ZNF804A: variants seen among roughly 807,000 people sequenced by gnomAD.
ZNF804A encodes the protein zinc finger protein 804A.
A neutral mutation model predicts 16.5 loss-of-function variants in ZNF804A; 2 were observed. That is an observed-to-expected ratio of 0.12 (90% confidence interval 0.05 to 0.38). ZNF804A has a LOEUF of 0.38. Among genes scored for constraint, ZNF804A ranks in the 10% least tolerant of loss-of-function variants. The pLI is 0.99. For synonymous variants in ZNF804A, 534 were observed against 489.6 expected, an observed-to-expected ratio of 1.09 and a Z score of -1.20; for missense variants, 1,473 against 1,390.7, an observed-to-expected ratio of 1.06 and a Z score of -0.94.
chr2:184,810,264 C>T (rs185462789), intron 1 of ZNF804A, among the ~76,000 whole-genome samples: 3 of 152,056 alleles, frequency 2.0e-5, no homozygotes, highest in Non-Finnish European at 4.4e-5. Context: ...AATTTGCCAA[C>T]GCCTGCTATA....
intron 1 of ZNF804A, among the ~76,000 whole-genome samples, chr2:184,821,035 T>G (rs539509585): frequency 6.6e-6 from 1 of 151,922 alleles, no homozygotes; most frequent in African/African-American, 2.4e-5. Flanking sequence ...TAAATTATCA[T>G]TGACAGTCTT....
chr2:184,830,165 A>G (rs2105795220), intron 1 of ZNF804A, among the ~76,000 whole-genome samples: 1 of 151,934 alleles, frequency 6.6e-6, no homozygotes, highest in East Asian at 1.9e-4. Context: ...CTATTTGACA[A>G]CAATTTTATA....
At chr2:184,684,661 G>T (rs562801724) in intron 1 of ZNF804A, among the ~76,000 whole-genome samples, 2 of 152,214 alleles carry the variant, frequency 1.3e-5, no homozygotes, top group Admixed American at 1.3e-4. Context: ...TTGGGATATG[G>T]ATCCCATCAC....
intron 1 of ZNF804A, among the ~76,000 whole-genome samples, chr2:184,795,629 A>C (rs1694619339): frequency 6.6e-6 from 1 of 152,218 alleles, no homozygotes; most frequent in African/African-American, 2.4e-5. Context: ...AAATGAAACA[A>C]AAAGCTGGTT....
At chr2:184,673,262 C>G (rs137936249) in intron 1 of ZNF804A, among the ~76,000 whole-genome samples, 1 of 152,232 alleles carries the variant, frequency 6.6e-6, no homozygotes, top group African/African-American at 2.4e-5. Context: ...GTTTGATATT[C>G]AAATGTGTTT....
intron 1 of ZNF804A, among the ~76,000 whole-genome samples, chr2:184,763,856 A>G (rs1255979012): frequency 6.6e-6 from 1 of 151,408 alleles, no homozygotes; most frequent in Non-Finnish European, 1.5e-5. Flanking sequence ...GTTAGCCAAG[A>G]TAGCCTCGAT....
intron 1 of ZNF804A, among the ~76,000 whole-genome samples, chr2:184,799,328 G>C (rs1694686919): frequency 6.6e-6 from 1 of 151,908 alleles, no homozygotes; most frequent in Non-Finnish European, 1.5e-5. Context: ...TGTCAAACTA[G>C]CCTTGCATAC....
chr2:184,640,803 A>G lies in ZNF804A; in HGVS notation c.111+41733A>G, dbSNP rs535069493. On this transcript the variant is annotated intron_variant, in intron 1 of 3. Coordinates refer to ENST00000302277, the MANE Select transcript of ZNF804A (RefSeq NM_194250.2). ...TATGATAATGGCTTTAAGCAAACGAAATACATGGGGCATCTCCCGTCTTGA... is the reference window on the plus strand; with the variant it reads ...TATGATAATGGCTTTAAGCAAACGAGATACATGGGGCATCTCCCGTCTTGA... Among the ~76,000 whole-genome samples, 50 of 152,328 alleles carry G rather than the reference A, an allele frequency of 3.3e-4. No homozygotes were observed. In the South Asian group the frequency reaches 4.1e-3, roughly 13 times the overall value.
intron 2 of ZNF804A, among the ~76,000 whole-genome samples, chr2:184,916,773 A>T (rs566583497): frequency 9.9e-4 from 150 of 152,126 alleles, no homozygotes; most frequent in African/African-American, 3.5e-3. Flanking sequence ...GCTTGAACCC[A>T]GGAGGCAGAG....
At chr2:184,852,248 TC>T (rs1695617135) in intron 1 of ZNF804A, among the ~76,000 whole-genome samples, 1 of 151,258 alleles carries the variant, frequency 6.6e-6, no homozygotes, top group South Asian at 2.1e-4. Context: ...TCTCTCTCTC[TC>T]TCTCTCTCTC....
At chr2:184,829,471 T>A (rs900885425) in intron 1 of ZNF804A, among the ~76,000 whole-genome samples, 5 of 152,012 alleles carry the variant, frequency 3.3e-5, no homozygotes, top group Non-Finnish European at 5.9e-5. Context: ...ATTCTGTATA[T>A]GTTAGAGGGC....
intron 1 of ZNF804A, among the ~76,000 whole-genome samples, chr2:184,720,051 C>A (rs1693282081): frequency 6.6e-6 from 1 of 152,120 alleles, no homozygotes; most frequent in African/African-American, 2.4e-5. Flanking sequence ...CTGGGGAGGC[C>A]TCATAATCAT....
At chr2:184,879,713 A>C (rs764549070) in intron 2 of ZNF804A, among the ~76,000 whole-genome samples, 4 of 152,072 alleles carry the variant, frequency 2.6e-5, no homozygotes, top group African/African-American at 7.2e-5. Flanking sequence ...ACACATCTAC[A>C]TATATAGCCC....
chr2:184,702,472 C>T (rs1391574898), intron 1 of ZNF804A, among the ~76,000 whole-genome samples: 1 of 151,976 alleles, frequency 6.6e-6, no homozygotes, highest in Admixed American at 6.6e-5. Context: ...TTTTCCAGTT[C>T]TGCCACTTTA....
intron 1 of ZNF804A, among the ~76,000 whole-genome samples, chr2:184,721,116 A>G (rs1693305940): frequency 6.6e-6 from 1 of 152,158 alleles, no homozygotes; most frequent in Non-Finnish European, 1.5e-5. Flanking sequence ...AAAGACTTAA[A>G]CATAAGACTC....
At chr2:184,769,645 C>T (rs1694182588) in intron 1 of ZNF804A, among the ~76,000 whole-genome samples, 2 of 151,982 alleles carry the variant, frequency 1.3e-5, no homozygotes, top group East Asian at 1.9e-4. Context: ...ACATTAGCAT[C>T]CCAATCCAAT....
In ZNF804A at chr2:184,752,507, GA is replaced by G. The variant is rs1693891599; in HGVS notation, c.112-113857del. On this transcript the variant is annotated intron_variant, in intron 1 of 3. Coordinates refer to ENST00000302277, the MANE Select transcript of ZNF804A (RefSeq NM_194250.2). ...GGGGGATAGGAGGAGGGTGAGGGTT[GA>G]AAAATTGTTTATCAGGTACAATGTT... Among the ~76,000 whole-genome samples the G allele has an allele frequency of 5.3e-5, 8 of 151,348 alleles. No homozygotes were observed. In the South Asian group the frequency reaches 1.7e-3, roughly 31 times the overall value.
intron 1 of ZNF804A, among the ~76,000 whole-genome samples, chr2:184,664,496 T>C (rs1489404623): frequency 6.6e-6 from 1 of 152,192 alleles, no homozygotes; most frequent in African/African-American, 2.4e-5. Flanking sequence ...TCCTAAACTA[T>C]TTGTAAGTTT....
intron 1 of ZNF804A, among the ~76,000 whole-genome samples, chr2:184,679,352 G>T (rs1357002113): frequency 2.6e-5 from 4 of 152,238 alleles, no homozygotes; most frequent in Admixed American, 2.0e-4. Context: ...CCATTGCAAA[G>T]ATGCCAGCTG....
Sources: gnomAD v4.1 joint callset for allele counts (sites outside exome capture counted in the v4.1 genomes callset) on GRCh38, gnomAD v4.1.1 for gene constraint, MANE v1.5 for transcripts, NCBI Gene and HGNC (gene_info 2026-07-23, HGNC 2026-07-21) for gene names.